Variants in PCDHGA3 observed in about 807,000 individuals in gnomAD.
PCDHGA3 encodes protocadherin gamma subfamily A, 3, also known as protocadherin gamma-A3.
Under a neutral mutation model 58.5 loss-of-function variants are expected in PCDHGA3, and 40 were observed. That is an observed-to-expected ratio of 0.68 (90% CI 0.53 to 0.89). The LOEUF (loss-of-function observed/expected upper bound fraction) is 0.89. Among genes scored for constraint, PCDHGA3 ranks in the 40% least tolerant of loss-of-function variants. The pLI, the probability that PCDHGA3 is intolerant of heterozygous loss-of-function variation, is 0.00. For synonymous variants in PCDHGA3, 530 were observed against 525.7 expected, an observed-to-expected ratio of 1.01 and a Z score of -0.11; for missense variants, 1,223 against 1,195.9, an observed-to-expected ratio of 1.02 and a Z score of -0.33.
chr5:141,372,313 A>G (rs774275406), intron 1 of PCDHGA3: 5 of 1,613,456 alleles, frequency 3.1e-6, no homozygotes, highest in Middle Eastern at 1.6e-4. Flanking sequence ...GCCGCCCGCC[A>G]GCGCCTGCTG....
intron 1 of PCDHGA3, chr5:141,376,544 G>C: frequency 6.2e-7 from 1 of 1,612,818 alleles, no homozygotes; most frequent in South Asian, 1.1e-5. Context: ...AGAGTAATCT[G>C]ATCTTCCCGC....
Position 141,344,132 on chromosome 5 carries a change from C to T in PCDHGA3, c.99C>T (p.Tyr33=), listed in dbSNP as rs1216708631. Reference sequence around the variant, plus strand: ...AAACAGGATCCGGTCAGATCCGCTACTCGGTGTCTGAGGAGCTAGATAAAG... The same window carrying T: ...AAACAGGATCCGGTCAGATCCGCTATTCGGTGTCTGAGGAGCTAGATAAAG... ...LCETGSGQIR[Y]SVSEELDKGS... Residue 33 remains tyrosine (Y), a synonymous_variant, in exon 1 of 4, where the codon TAC becomes TAT. Transcript: ENST00000253812. 1 of 1,613,918 alleles carries T rather than the reference C, an allele frequency of 6.2e-7. No homozygotes were observed.
At chr5:141,444,644 G>T (rs1300191764) in intron 1 of PCDHGA3, among the ~76,000 whole-genome samples, 1 of 151,892 alleles carries the variant, frequency 6.6e-6, no homozygotes, top group Non-Finnish European at 1.5e-5. Flanking sequence ...ATTGAGGTAG[G>T]GGTTGAAGTT....
At chr5:141,496,602 C>A (rs981108050) in intron 2 of PCDHGA3, among the ~76,000 whole-genome samples, 5 of 152,150 alleles carry the variant, frequency 3.3e-5, no homozygotes, top group Admixed American at 1.3e-4. Flanking sequence ...TCTTAGAAGG[C>A]CCCTAAAAAG....
intron 1 of PCDHGA3, chr5:141,415,066 C>T (rs777981621): frequency 1.4e-5 from 23 of 1,613,410 alleles, no homozygotes; most frequent in Non-Finnish European, 1.9e-5. Flanking sequence ...GGGCGAGGTG[C>T]GCACGGCGCG....
intron 1 of PCDHGA3, chr5:141,371,116 T>G (rs1486795854): frequency 1.2e-6 from 2 of 1,613,914 alleles, no homozygotes; most frequent in Non-Finnish European, 8.5e-7. Flanking sequence ...AACCCCCCAG[T>G]ATTTACTCAG....
In PCDHGA3 at chr5:141,487,598, C is replaced by T. The variant is rs1450685717; in HGVS notation, c.2425-7209C>T. 6.2e-7 allele frequency: 1 copy of T among 1,614,210 alleles called. No homozygotes were observed. The highest frequency in any genetic ancestry group is 8.5e-7 in the Non-Finnish European group (1 of 1,180,046). ...TCGCCCAAGCTGCCCACCCTCTGAT[C>T]TTCTCTATGGGCTAGAGGTGAGACC... is the stretch of plus-strand genomic sequence containing the variant. On this transcript the variant is annotated intron_variant, in intron 1 of 3. Transcript: ENST00000253812. The surrounding 1 kb of genome is among the most constrained non-coding windows in gnomAD (Gnocchi z 5.0).
intron 1 of PCDHGA3, chr5:141,351,458 C>G (rs1166702741): frequency 6.2e-7 from 1 of 1,613,310 alleles, no homozygotes; most frequent in Admixed American, 1.7e-5. Context: ...TTATTACAAG[C>G]TGGTGATTGC....
At position 141,428,173 on chromosome 5, in the gene PCDHGA3, C is replaced by T. The variant is rs192741775; in HGVS notation, c.2425-66634C>T. The T allele has an allele frequency of 3.3e-6, 5 of 1,514,730 alleles. No homozygotes were observed. In the East Asian group the frequency reaches 9.1e-5, roughly 28 times the overall value. 93.8% of individuals were successfully genotyped at this position (1,514,730 alleles called of 1,614,324 possible). A position where few individuals can be genotyped will look rare whatever the true frequency, so the allele number is the denominator to read the frequency against. On this transcript the variant is annotated intron_variant, in intron 1 of 3. Transcript: ENST00000253812. ...GGAACCTGCTGGTTGCTGTGCGTGA[C>T]GGAGGACAGCCGCCGCTCTCTGCGC... is the stretch of plus-strand genomic sequence containing the variant.
At chr5:141,375,611 G>C (rs1049659012) in intron 1 of PCDHGA3, 3 of 1,614,060 alleles carry the variant, frequency 1.9e-6, no homozygotes, top group African/African-American at 1.3e-5. Context: ...CATCAACTCC[G>C]ACACTGGGAT....
intron 1 of PCDHGA3, chr5:141,362,414 C>A (rs1399148025): frequency 6.2e-7 from 1 of 1,614,058 alleles, no homozygotes; most frequent in South Asian, 1.1e-5. Context: ...GCCTCACAAT[C>A]AGCCAAGACA....
chr5:141,413,227 G>T (rs552225139), intron 1 of PCDHGA3: 2 of 1,613,938 alleles, frequency 1.2e-6, no homozygotes, highest in South Asian at 2.2e-5. Flanking sequence ...CAGCGGGCTG[G>T]TCCTGCTCTG....
chr5:141,404,902 C>T, intron 1 of PCDHGA3: 1 of 1,613,856 alleles, frequency 6.2e-7, no homozygotes, highest in Non-Finnish European at 8.5e-7. Context: ...AGGACCATGG[C>T]CAGCCCCCTC....
At chr5:141,390,536 C>T (rs2092171598) in intron 1 of PCDHGA3, 1 of 522,874 alleles carries the variant, frequency 1.9e-6, no homozygotes, top group Non-Finnish European at 3.4e-6. Context: ...TGGTTTTAAC[C>T]ACAAAGTGAA....
intron 1 of PCDHGA3, chr5:141,410,783 T>C (rs2095423369): frequency 1.1e-6 from 1 of 919,042 alleles, no homozygotes; most frequent in East Asian, 2.7e-5. Flanking sequence ...ACTATGTATT[T>C]GGTTCATAAG....
rs1267722283 is a variant in PCDHGA3 at position 141,493,105 on chromosome 5, G to A, written c.2425-1702G>A. Reference sequence around the variant, plus strand: ...GAGCTTTTATTCAAAATATATCAATGCCTAACTCTGCTCCTAGGACTGTAT... The same window carrying A: ...GAGCTTTTATTCAAAATATATCAATACCTAACTCTGCTCCTAGGACTGTAT... On this transcript the variant is annotated intron_variant, in intron 1 of 3. Coordinates refer to ENST00000253812, the MANE Select transcript of PCDHGA3 (RefSeq NM_018916.4). This position sits in a 1 kb window ranked among gnomAD's most constrained non-coding sequence, Gnocchi z 4.3. Among the ~76,000 whole-genome samples, 1 of 152,076 alleles carries A rather than the reference G, an allele frequency of 6.6e-6. No homozygotes were observed. Among genetic ancestry groups the A allele is most frequent in the Non-Finnish European group, 1.5e-5 (1 of 67,994 alleles).
intron 1 of PCDHGA3, among the ~76,000 whole-genome samples, chr5:141,435,017 C>T (rs1477938779): frequency 1.3e-5 from 2 of 151,994 alleles, no homozygotes; most frequent in Middle Eastern, 3.2e-3. Flanking sequence ...AATGATAATG[C>T]TCTTTTCCCA....
intron 1 of PCDHGA3, chr5:141,383,954 T>C: frequency 6.2e-7 from 1 of 1,613,650 alleles, no homozygotes; most frequent in Non-Finnish European, 8.5e-7. Flanking sequence ...ATGACGTCTT[T>C]AAGTAGCTCA....
intron 1 of PCDHGA3, chr5:141,371,767 C>A: frequency 6.2e-7 from 1 of 1,614,030 alleles, no homozygotes; most frequent in Non-Finnish European, 8.5e-7. Context: ...GCCTCCTACA[C>A]CGTGCATGTA....
Sources: gnomAD v4.1 joint callset for allele counts (sites outside exome capture counted in the v4.1 genomes callset) on GRCh38, gnomAD v4.1.1 for gene constraint, Gnocchi (gnomAD v3.1) non-coding constraint, MANE v1.5 for transcripts, NCBI Gene and HGNC (gene_info 2026-07-23, HGNC 2026-07-21) for gene names.